The following TBC1D14 variants were observed in gnomAD, a reference collection of about 807,000 sequenced individuals.
TBC1D14 encodes the protein TBC1 domain family, member 14.
Under a neutral mutation model 79.0 loss-of-function variants are expected in TBC1D14, and 26 were observed. The ratio of observed to expected loss-of-function variants is 0.33; its 90% CI spans 0.24 to 0.46. The LOEUF is 0.46. Ranked by LOEUF, TBC1D14 falls within the 20% of genes least tolerant of loss-of-function variation. The pLI is 1.00. For missense variants in TBC1D14, 769 were observed against 887.6 expected (o/e 0.87, Z 1.70); for synonymous variants, 394 against 349.9 (o/e 1.13, Z -1.40).
chr4:6,926,704 G>A (rs188970648), intron 2 of TBC1D14, among the ~76,000 whole-genome samples: 55 of 152,336 alleles, frequency 3.6e-4, no homozygotes, highest in Middle Eastern at 6.8e-3. Flanking sequence ...AAGGGTTTCT[G>A]TGCCAGAATC....
At chr4:7,005,394 G>C (rs910753441) in intron 8 of TBC1D14, among the ~76,000 whole-genome samples, 20 of 152,358 alleles carry the variant, frequency 1.3e-4, no homozygotes, top group African/African-American at 4.3e-4. Context: ...AATTAGCCAG[G>C]TGTGGTGGTG....
At chr4:7,023,585 G>A (rs1425867034) in intron 12 of TBC1D14, among the ~76,000 whole-genome samples, 1 of 152,218 alleles carries the variant, frequency 6.6e-6, no homozygotes, top group Non-Finnish European at 1.5e-5. Context: ...TGTGATTTTA[G>A]AATCAAGCTT....
chr4:7,012,320 AGTT>A (rs1720865084), intron 11 of TBC1D14, among the ~76,000 whole-genome samples: 1 of 142,850 alleles, frequency 7.0e-6, no homozygotes, highest in African/African-American at 2.6e-5. Context: ...AAAAAAAAAA[AGTT>A]GTTGGTAAAT....
At chr4:6,937,591 G>T (rs990384164) in intron 2 of TBC1D14, among the ~76,000 whole-genome samples, 9 of 152,184 alleles carry the variant, frequency 5.9e-5, no homozygotes, top group African/African-American at 2.2e-4. Context: ...AAGCGTTGCT[G>T]GGGGGCAGCA....
At chr4:7,015,144 T>C (rs1255538847) in intron 12 of TBC1D14, among the ~76,000 whole-genome samples, 1 of 151,428 alleles carries the variant, frequency 6.6e-6, no homozygotes, top group African/African-American at 2.4e-5. Flanking sequence ...AGACCCAAGC[T>C]CTGGAGCTTG....
At chr4:6,940,820 G>C (rs945371760) in intron 2 of TBC1D14, among the ~76,000 whole-genome samples, 13 of 152,192 alleles carry the variant, frequency 8.5e-5, no homozygotes, top group Non-Finnish European at 1.6e-4. Context: ...TGGCAGCCAG[G>C]AGGCTGTGCT....
intron 1 of TBC1D14, among the ~76,000 whole-genome samples, chr4:6,921,302 G>A (rs892952849): frequency 3.3e-5 from 5 of 150,990 alleles, no homozygotes; most frequent in Non-Finnish European, 1.5e-5. Context: ...CCTCCTGGGC[G>A]GGCTCAAGTG....
chr4:7,025,230 C>T lies in TBC1D14; in HGVS notation c.1984C>T (p.Gln662Ter). The change falls in exon 13 of 14, where the codon CAG becomes TAG. Residue 662 changes from glutamine to a stop codon, truncating the protein, a stop_gained. Transcript: ENST00000409757. LOFTEE classifies it high-confidence loss of function. The part of the protein sequence containing the change: ...EELFASIATI[Q>*]MQSRNKKWAQ... Reference sequence around the variant, plus strand: ...GCTGTTTGCCTCCATCGCCACGATCCAGATGCAGAGCCGAAACAAGAAGTG... The same window carrying T: ...GCTGTTTGCCTCCATCGCCACGATCTAGATGCAGAGCCGAAACAAGAAGTG... 1 of 1,614,266 alleles carries T rather than the reference C, an allele frequency of 6.2e-7. No individual in the cohort carries two copies. Among genetic ancestry groups the T allele is most frequent in the Non-Finnish European group, 8.5e-7 (1 of 1,180,050 alleles).
At position 7,031,623 on chromosome 4, in the gene TBC1D14, C is replaced by T. The variant is rs1723056244; in HGVS notation, c.*1231C>T. 6.6e-6 allele frequency: 1 copy of T among 152,254 alleles called. No individual in the cohort carries two copies. Among genetic ancestry groups the T allele is most frequent in the African/African-American group, 2.4e-5 (1 of 41,450 alleles). 9.4% of individuals were successfully genotyped at this position (152,254 alleles called of 1,614,324 possible). ...AGAAATGAACCGTTTTGCAGCTGCG[C>T]AGTCTAAAGGGCAGGCCAGTGTCTG... On this transcript the variant is annotated 3_prime_UTR_variant, in exon 14 of 14. Coordinates refer to ENST00000409757, the MANE Select transcript of TBC1D14 (RefSeq NM_020773.3).
chr4:6,976,804 T>C (rs964012823), intron 3 of TBC1D14, among the ~76,000 whole-genome samples: 4 of 152,096 alleles, frequency 2.6e-5, no homozygotes, highest in Admixed American at 1.3e-4. Context: ...TGCCTTTAAA[T>C]ATACAATAAC....
chr4:7,018,776 G>GT (rs1430344988), intron 12 of TBC1D14, among the ~76,000 whole-genome samples: 4 of 152,218 alleles, frequency 2.6e-5, no homozygotes, highest in African/African-American at 9.7e-5. Context: ...TTCCTACAGA[G>GT]TTTTCAGTGT....
intron 2 of TBC1D14, among the ~76,000 whole-genome samples, chr4:6,942,976 G>C (rs933487034): frequency 6.6e-6 from 1 of 152,208 alleles, no homozygotes; most frequent in African/African-American, 2.4e-5. Context: ...GTGGATGAAT[G>C]TTCGCTGCTG....
chr4:6,988,889 T>C (rs113139498), intron 3 of TBC1D14, among the ~76,000 whole-genome samples: 64 of 101,316 alleles, frequency 6.3e-4, no homozygotes, highest in South Asian at 1.5e-3. Context: ...TTCTTTCTTT[T>C]TTTTTTTTTT....
At chr4:7,021,988 A>G (rs1371495361) in intron 12 of TBC1D14, among the ~76,000 whole-genome samples, 1 of 152,246 alleles carries the variant, frequency 6.6e-6, no homozygotes, top group African/African-American at 2.4e-5. Context: ...GCCAGGACAG[A>G]GCCTGGTGTC....
intron 7 of TBC1D14, among the ~76,000 whole-genome samples, chr4:7,002,229 C>G (rs186565626): frequency 6.6e-6 from 1 of 152,168 alleles, no homozygotes; most frequent in African/African-American, 2.4e-5. Flanking sequence ...TTGGCTAAAT[C>G]CATACCTACC....
chr4:7,014,769 C>T (rs1255240448), intron 12 of TBC1D14, among the ~76,000 whole-genome samples: 1 of 152,214 alleles, frequency 6.6e-6, no homozygotes, highest in Non-Finnish European at 1.5e-5. Flanking sequence ...TATCTTGGGC[C>T]TGTTTGTTTC....
At chr4:7,018,099 G>A (rs949393422) in intron 12 of TBC1D14, among the ~76,000 whole-genome samples, 17 of 152,180 alleles carry the variant, frequency 1.1e-4, no homozygotes, top group African/African-American at 4.1e-4. Flanking sequence ...TGAGGTCCAG[G>A]TTGGTTTGCC....
intron 13 of TBC1D14, among the ~76,000 whole-genome samples, chr4:7,029,121 T>C (rs1722781325): frequency 6.6e-6 from 1 of 152,226 alleles, no homozygotes; most frequent in African/African-American, 2.4e-5. Flanking sequence ...ATTGCAGGCA[T>C]GAGCCACCAC....
chr4:6,965,672 A>G (rs1242040607), intron 2 of TBC1D14, among the ~76,000 whole-genome samples: 1 of 152,142 alleles, frequency 6.6e-6, no homozygotes, highest in African/African-American at 2.4e-5. Flanking sequence ...CCCAGTAGCT[A>G]GGGCTGCTGA....
Sources: allele counts gnomAD v4.1 joint callset (sites outside exome capture counted in the v4.1 genomes callset), GRCh38; gene constraint gnomAD v4.1.1; transcripts MANE v1.5; gene names NCBI Gene and HGNC (gene_info 2026-07-23, HGNC 2026-07-21).